The following CES4A variants were observed in gnomAD, a reference collection of about 807,000 sequenced individuals.
CES4A encodes the protein carboxylesterase 6.
A neutral mutation model predicts 65.4 loss-of-function variants in CES4A; 48 were observed. The ratio of observed to expected loss-of-function variants is 0.73; its 90% confidence interval spans 0.58 to 0.93. CES4A has a LOEUF of 0.93. Ranked by LOEUF, CES4A falls within the 40% of genes least tolerant of loss-of-function variation. The pLI, the probability that CES4A is intolerant of heterozygous loss-of-function variation, is 0.00. For synonymous variants in CES4A, 247 were observed against 281.8 expected, an observed-to-expected ratio of 0.88 and a Z score of 1.24; for missense variants, 685 against 728.5, an observed-to-expected ratio of 0.94 and a Z score of 0.69.
intron 1 of CES4A, among the ~76,000 whole-genome samples, chr16:66,994,427 G>A (rs1025642463): frequency 6.7e-6 from 1 of 150,238 alleles, no homozygotes; most frequent in Non-Finnish European, 1.5e-5. Flanking sequence ...TAGAGACGGG[G>A]TTTCACCATT....
At position 67,004,272 on chromosome 16, in the gene CES4A, C is replaced by A. The variant is rs774888619; in HGVS notation, c.1080+48C>A. ...GGCTCTTGCCTTACGTAAGTGAGTA[C>A]CATAGTGGAGGCAGGGAAGGATGCC... On this transcript the variant is annotated intron_variant, in intron 9 of 13. Transcript: ENST00000648724. 3 of 1,603,384 alleles carry A rather than the reference C, an allele frequency of 1.9e-6. No individual in the cohort carries two copies. In the South Asian group the frequency reaches 3.3e-5, roughly 18 times the overall value.
Position 67,001,462 on chromosome 16 carries a change from G to A in CES4A, c.690+1G>A. On this transcript the variant is annotated splice_donor_variant, in intron 5 of 13. Coordinates refer to ENST00000648724, the Ensembl canonical transcript of CES4A. LOFTEE classifies it high-confidence loss of function. This position sits in a 1 kb window ranked among gnomAD's most constrained non-coding sequence, Gnocchi z 4.1. The stretch of plus-strand genomic sequence containing the variant: ...GGGGGCCATGAGCATCTCAGGACTG[G>A]TGAGAGCAATGCCCAGACGGACCGA... 4.4e-6 allele frequency: 7 copies of A among 1,600,976 alleles called. No homozygotes were observed. The highest frequency in any genetic ancestry group is 4.3e-6 in the Non-Finnish European group (5 of 1,174,006).
At chr16:67,004,948 C>T (rs773274520) in intron 10 of CES4A, 75 bp downstream of exon 10, 23 of 1,197,298 alleles carry the variant, frequency 1.9e-5, no homozygotes, top group Non-Finnish European at 2.7e-5. Context: ...CTAGTAGCTG[C>T]TCTTTGCAAA....
In CES4A at chr16:67,001,483, A is replaced by G. The variant is rs959874275; in HGVS notation, c.690+22A>G. On this transcript the variant is annotated intron_variant, in intron 5 of 13. Coordinates refer to ENST00000648724, the Ensembl canonical transcript of CES4A. This position sits in a 1 kb window ranked among gnomAD's most constrained non-coding sequence, Gnocchi z 4.1. ...ACTGGTGAGAGCAATGCCCAGACGG[A>G]CCGAGCACAGACTTAGGCTCCTGCG... 1 of 1,577,356 alleles carries G rather than the reference A, an allele frequency of 6.3e-7. No individual in the cohort carries two copies. The highest frequency in any genetic ancestry group is 8.6e-7 in the Non-Finnish European group (1 of 1,162,084).
In CES4A at chr16:67,001,287, C is replaced by T. The variant is rs750397390; in HGVS notation, c.537-21C>T. 6.3e-7 allele frequency: 1 copy of T among 1,577,450 alleles called. No individual in the cohort carries two copies. The highest frequency in any genetic ancestry group is 1.2e-5 in the South Asian group (1 of 85,768). Reference sequence around the variant, plus strand: ...CGACTGTCGAGGCCCGGGACCCTGACAGTGAACCCCACACGCCCAGCACGG... The same window carrying T: ...CGACTGTCGAGGCCCGGGACCCTGATAGTGAACCCCACACGCCCAGCACGG... On this transcript the variant is annotated intron_variant, in intron 4 of 13. Coordinates refer to ENST00000648724, the Ensembl canonical transcript of CES4A. The surrounding 1 kb of genome is among the most constrained non-coding windows in gnomAD (Gnocchi z 4.1).
chr16:67,006,485 G>A, exon 12 of CES4A: 11 of 1,536,768 alleles, frequency 7.2e-6, no homozygotes, highest in Non-Finnish European at 9.6e-6. Flanking sequence ...ATGGGGATGA[G>A]ATGTACTTCC....
chr16:67,000,391 G>A lies in CES4A; in HGVS notation c.261-247G>A, dbSNP rs768594900. The A allele has an allele frequency of 1.2e-6, 1 of 824,160 alleles. No individual in the cohort carries two copies. The highest frequency in any genetic ancestry group is 1.5e-6 in the Non-Finnish European group (1 of 683,004). The allele number at this position is 824,160 out of a possible 1,614,324, so 51.1% of individuals were successfully genotyped here. ...TCCTGCCTTGACAGCACCAACAGGA[G>A]CAGGAATCTCTCCACGGACTGAGGC... is the stretch of plus-strand genomic sequence containing the variant. On this transcript the variant is annotated intron_variant, in intron 2 of 13. Transcript: ENST00000648724. The surrounding 1 kb of genome is among the most constrained non-coding windows in gnomAD (Gnocchi z 4.2).
At chr16:67,004,132 G>A in exon 9 of CES4A, 2 of 1,614,128 alleles carry the variant, frequency 1.2e-6, no homozygotes, top group Non-Finnish European at 1.7e-6. Flanking sequence ...GATCCCAGAT[G>A]ACCCTTTGGT....
intron 9 of CES4A, 111 bp from the exon 10 acceptor site, chr16:67,004,682 C>T (rs1965615686): frequency 1.2e-6 from 1 of 819,680 alleles, no homozygotes; most frequent in South Asian, 1.5e-5. Flanking sequence ...TGTGCTGTGT[C>T]TGATAACTCA....
chr16:67,004,964 T>A, intron 10 of CES4A, 91 bp downstream of exon 10: 1 of 1,033,042 alleles, frequency 9.7e-7, no homozygotes, highest in East Asian at 2.6e-5. Flanking sequence ...GCAAAGGGGC[T>A]CCCAGCCAGG....
At chr16:66,988,935 T>A in intron 1 of CES4A, 105 bp downstream of exon 1, 3 of 1,346,824 alleles carry the variant, frequency 2.2e-6, no homozygotes, top group Non-Finnish European at 3.0e-6. Context: ...GCAGGAGCAC[T>A]TAGACAAGGC....
In CES4A at chr16:67,009,179, C is replaced by A. The variant is rs1225962629; in HGVS notation, c.*37C>A. 5 of 1,582,764 alleles carry A rather than the reference C, an allele frequency of 3.2e-6. No homozygotes were observed. The Admixed American group carries it at 7.1e-5, about 22-fold the overall frequency. On this transcript the variant is annotated 3_prime_UTR_variant, in exon 14 of 14. Coordinates refer to ENST00000648724, the Ensembl canonical transcript of CES4A. ...CAGGAAGGAGCCAAAGAGGGGTTTG[C>A]CCCCACCATCCAGGCCCTGGGGAGA...
chr16:67,001,503 C>A lies in CES4A; in HGVS notation c.690+42C>A. ...GACGGACCGAGCACAGACTTAGGCT[C>A]CTGCGTTCCCACAAATGTATGCTCC... On this transcript the variant is annotated intron_variant, in intron 5 of 13. Coordinates refer to ENST00000648724, the Ensembl canonical transcript of CES4A. This position sits in a 1 kb window ranked among gnomAD's most constrained non-coding sequence, Gnocchi z 4.1. The A allele has an allele frequency of 6.5e-7, 1 of 1,544,476 alleles. No homozygotes were observed. The highest frequency in any genetic ancestry group is 2.3e-5 in the East Asian group (1 of 44,214).
At chr16:66,990,182 G>GCT (rs1182751523) in intron 1 of CES4A, among the ~76,000 whole-genome samples, 2 of 151,088 alleles carry the variant, frequency 1.3e-5, no homozygotes, top group Admixed American at 6.6e-5. Flanking sequence ...CTCCCAAGTA[G>GCT]CTGGGACTAC....
At chr16:66,993,682 A>G (rs138779580) in intron 1 of CES4A, among the ~76,000 whole-genome samples, 258 of 152,338 alleles carry the variant, frequency 1.7e-3, no homozygotes, top group African/African-American at 5.9e-3. Context: ...CTGTGCTCAC[A>G]TGTACCTATA....
intron 11 of CES4A, chr16:67,006,083 G>A (rs901115526): frequency 1.6e-5 from 5 of 315,750 alleles, no homozygotes; most frequent in African/African-American, 1.1e-4. Flanking sequence ...TTCAATATGA[G>A]GCCAAGAAAG....
chr16:67,002,899 T>A (rs1271267402), intron 5 of CES4A, among the ~76,000 whole-genome samples, 171 bp from the exon 6 acceptor site: 3 of 152,086 alleles, frequency 2.0e-5, no homozygotes, highest in Non-Finnish European at 4.4e-5. Context: ...GAGGCAGGAA[T>A]ACCACTGGCT....
chr16:66,997,029 C>A (rs1458209394), intron 2 of CES4A, among the ~76,000 whole-genome samples: 4 of 150,650 alleles, frequency 2.7e-5, no homozygotes, highest in Non-Finnish European at 5.9e-5. Flanking sequence ...CCACTGACTG[C>A]ACTCCAGCCT....
At chr16:66,998,345 C>T (rs918576694) in intron 2 of CES4A, among the ~76,000 whole-genome samples, 2 of 152,014 alleles carry the variant, frequency 1.3e-5, no homozygotes, top group African/African-American at 4.8e-5. Flanking sequence ...ATCCCAACAC[C>T]TTGGGAGGCT....
Sources: allele counts gnomAD v4.1 joint callset (sites outside exome capture counted in the v4.1 genomes callset), GRCh38; gene constraint gnomAD v4.1.1; non-coding constraint Gnocchi (gnomAD v3.1); transcripts MANE v1.5; gene names NCBI Gene and HGNC (gene_info 2026-07-23, HGNC 2026-07-21).